MID1: variants seen among roughly 807,000 people sequenced by gnomAD.
The protein encoded by MID1 is E3 ubiquitin-protein ligase Midline-1.
Under a neutral mutation model 40.4 loss-of-function variants are expected in MID1, and 7 were observed. The ratio of observed to expected loss-of-function variants is 0.17; its 90% confidence interval spans 0.10 to 0.33. The LOEUF is 0.33. Among genes scored for constraint, MID1 ranks in the 10% least tolerant of loss-of-function variants. The pLI is 1.00. For missense variants in MID1, 367 were observed against 558.5 expected (o/e 0.66, Z 3.46); for synonymous variants, 229 against 221.2 (o/e 1.04, Z -0.31).
chrX:10,666,418 A>AG (rs1271132433), intron 1 of MID1, among the ~76,000 whole-genome samples: 1 of 110,705 alleles, frequency 9.0e-6, no homozygotes, highest in Non-Finnish European at 1.9e-5. Context: ...AAAAAAAAAA[A>AG]AAAAAGCAAA....
intron 1 of MID1, among the ~76,000 whole-genome samples, chrX:10,643,433 A>G (rs1936225717): frequency 8.9e-6 from 1 of 112,039 alleles, no homozygotes; most frequent in Non-Finnish European, 1.9e-5. Context: ...ATCACTGGCC[A>G]TCAGAGAAAT....
At chrX:10,696,334 TCC>T (rs2043163646) in intron 1 of MID1, among the ~76,000 whole-genome samples, 1 of 111,570 alleles carries the variant, frequency 9.0e-6, no homozygotes, top group Non-Finnish European at 1.9e-5. Context: ...TGGACAGCCC[TCC>T]CCAAGGGAAG....
At chrX:10,529,112 C>T (rs1197522189) in intron 2 of MID1, among the ~76,000 whole-genome samples, 2 of 111,094 alleles carry the variant, frequency 1.8e-5, no homozygotes, top group African/African-American at 6.6e-5. Flanking sequence ...TGTATCGGTG[C>T]TTGTTAAATA....
At chrX:10,639,943 T>C (rs775816494) in intron 1 of MID1, among the ~76,000 whole-genome samples, 272 of 111,089 alleles carry the variant, frequency 2.4e-3, no homozygotes, top group African/African-American at 7.9e-3. Context: ...AGAAATAAAA[T>C]CCTTTACAGA....
intron 1 of MID1, among the ~76,000 whole-genome samples, chrX:10,642,148 T>C (rs750736025): frequency 1.8e-5 from 2 of 111,786 alleles, no homozygotes; most frequent in African/African-American, 6.5e-5. Context: ...TTCAACACAG[T>C]GTTGGAAGTT....
chrX:10,583,550 C>G (rs777743955), intron 1 of MID1, among the ~76,000 whole-genome samples: 6 of 112,114 alleles, frequency 5.4e-5, no homozygotes, highest in Non-Finnish European at 9.4e-5. Flanking sequence ...CCAACTTTTA[C>G]TATTTCTTAC....
chrX:10,710,457 TAATC>T (rs1222770452), intron 1 of MID1, among the ~76,000 whole-genome samples: 1 of 111,123 alleles, frequency 9.0e-6, no homozygotes, highest in African/African-American at 3.3e-5. Context: ...CATAATCACA[TAATC>T]AATAAGTTAC....
At chrX:10,785,729 T>C (rs1336168449) in intron 1 of MID1, among the ~76,000 whole-genome samples, 1 of 111,758 alleles carries the variant, frequency 8.9e-6, no homozygotes, top group Non-Finnish European at 1.9e-5. Context: ...GGATTCCCTA[T>C]TTAATAAATG....
At chrX:10,822,043 CTGGT>C (rs1453020984) in intron 1 of MID1, among the ~76,000 whole-genome samples, 4 of 109,830 alleles carry the variant, frequency 3.6e-5, no homozygotes, top group Non-Finnish European at 7.6e-5. Flanking sequence ...CCTGACCTCT[CTGGT>C]CTTCCACTTA....
intron 1 of MID1, among the ~76,000 whole-genome samples, chrX:10,692,770 T>C (rs2043139423): frequency 8.9e-6 from 1 of 112,248 alleles, no homozygotes; most frequent in Non-Finnish European, 1.9e-5. Flanking sequence ...GCTACCATAT[T>C]GAACAGGTCA....
chrX:10,603,271 C>CA (rs1935566366), intron 1 of MID1, among the ~76,000 whole-genome samples: 1 of 111,594 alleles, frequency 9.0e-6, no homozygotes, highest in African/African-American at 3.3e-5. Context: ...AGCAAAGAAA[C>CA]AAAATTCACA....
chrX:10,796,519 C>T (rs1223993859), intron 1 of MID1, among the ~76,000 whole-genome samples: 1 of 107,208 alleles, frequency 9.3e-6, no homozygotes, highest in Non-Finnish European at 1.9e-5. Flanking sequence ...AAAACAGTCA[C>T]CACAGTCCAT....
At chrX:10,803,741 T>C (rs1158361974) in intron 1 of MID1, among the ~76,000 whole-genome samples, 1 of 111,729 alleles carries the variant, frequency 9.0e-6, no homozygotes, top group Non-Finnish European at 1.9e-5. Flanking sequence ...TGGGTATTTA[T>C]TCTGCTTCAT....
chrX:10,566,769 T>G, intron 2 of MID1, 119 bp downstream of exon 2: 1 of 772,630 alleles, frequency 1.3e-6, no homozygotes, highest in Non-Finnish European at 1.9e-6. Context: ...CTAAAACTAA[T>G]CAGATAACAA....
At chrX:10,636,739 G>A (rs1936115210) in intron 1 of MID1, among the ~76,000 whole-genome samples, 1 of 87,786 alleles carries the variant, frequency 1.1e-5, no homozygotes, top group South Asian at 6.3e-4. Flanking sequence ...AATCACAGAT[G>A]GACTATGGAT....
chrX:10,578,945 A>G (rs1934938863), intron 1 of MID1, among the ~76,000 whole-genome samples: 1 of 112,552 alleles, frequency 8.9e-6, no homozygotes, highest in Admixed American at 9.4e-5. Context: ...ATGTCTGTAT[A>G]AAGTCCTATA....
intron 1 of MID1, among the ~76,000 whole-genome samples, chrX:10,608,377 C>G (rs960135762): frequency 8.9e-6 from 1 of 111,959 alleles, no homozygotes; most frequent in African/African-American, 3.3e-5. Context: ...TGTCATATAT[C>G]CACACCAAGG....
At chrX:10,760,204 A>G (rs2043667250) in intron 1 of MID1, among the ~76,000 whole-genome samples, 1 of 111,776 alleles carries the variant, frequency 8.9e-6, no homozygotes, top group Non-Finnish European at 1.9e-5. Flanking sequence ...CTCGGGGGGA[A>G]GTAAGAGAGC....
intron 3 of MID1, among the ~76,000 whole-genome samples, chrX:10,514,001 T>C (rs1444416086): frequency 3.6e-5 from 4 of 111,872 alleles, no homozygotes; most frequent in Non-Finnish European, 7.5e-5. Flanking sequence ...CACAATAAGA[T>C]ATATCAGAAA....
Sources: allele counts gnomAD v4.1 joint callset (sites outside exome capture counted in the v4.1 genomes callset), GRCh38; gene constraint gnomAD v4.1.1; transcripts MANE v1.5; gene names NCBI Gene and HGNC (gene_info 2026-07-23, HGNC 2026-07-21).